The following ARHGEF28 variants were observed in gnomAD, a reference collection of about 807,000 sequenced individuals.
ARHGEF28 encodes Rho guanine nucleotide exchange factor 28.
A neutral mutation model predicts 206.6 loss-of-function variants in ARHGEF28; 152 were observed. That is an observed-to-expected ratio of 0.74 (90% CI 0.64 to 0.84). ARHGEF28 has a LOEUF of 0.84. Among genes scored for constraint, ARHGEF28 ranks in the 40% least tolerant of loss-of-function variants. ARHGEF28 has a pLI of 0.00. For synonymous variants in ARHGEF28, 763 were observed against 776.4 expected, an observed-to-expected ratio of 0.98 and a Z score of 0.29; for missense variants, 2,028 against 2,073.2, an observed-to-expected ratio of 0.98 and a Z score of 0.42.
At chr5:73,711,320 T>G (rs188333533) in intron 2 of ARHGEF28, among the ~76,000 whole-genome samples, 3 of 152,286 alleles carry the variant, frequency 2.0e-5, no homozygotes, top group Admixed American at 2.0e-4. Flanking sequence ...TATTTTCCTT[T>G]TCACATAAAT....
At chr5:73,658,860 C>T (rs1745398680) in intron 1 of ARHGEF28, among the ~76,000 whole-genome samples, 1 of 152,000 alleles carries the variant, frequency 6.6e-6, no homozygotes, top group South Asian at 2.1e-4. Flanking sequence ...CTGTGTTTTA[C>T]TAGGTGCTCT....
chr5:73,677,624 T>G (rs1350072317), intron 1 of ARHGEF28, among the ~76,000 whole-genome samples: 5 of 152,244 alleles, frequency 3.3e-5, no homozygotes, highest in Non-Finnish European at 7.3e-5. Context: ...TACTTTTTTT[T>G]AGAGTTAACA....
intron 1 of ARHGEF28, among the ~76,000 whole-genome samples, chr5:73,675,455 G>A (rs555594001): frequency 3.4e-4 from 52 of 152,102 alleles, no homozygotes; most frequent in African/African-American, 8.9e-4. Context: ...ATAAGCAGCC[G>A]GGTGTGGTGG....
At chr5:73,856,627 C>T (rs1759057553) in intron 14 of ARHGEF28, among the ~76,000 whole-genome samples, 1 of 151,986 alleles carries the variant, frequency 6.6e-6, no homozygotes, top group Non-Finnish European at 1.5e-5. Context: ...TACATAAGAA[C>T]AATCAAAGTC....
chr5:73,658,474 C>A (rs866307641), intron 1 of ARHGEF28, among the ~76,000 whole-genome samples: 2 of 152,046 alleles, frequency 1.3e-5, no homozygotes, highest in African/African-American at 4.8e-5. Flanking sequence ...GAATGGGATT[C>A]GGCCACAAGA....
At chr5:73,677,232 G>A (rs57666292) in intron 1 of ARHGEF28, among the ~76,000 whole-genome samples, 2,938 of 152,268 alleles carry the variant, frequency 0.019, 94 homozygotes, top group African/African-American at 0.068. Flanking sequence ...TCTGTAGATA[G>A]CATTGGCTTC....
intron 1 of ARHGEF28, among the ~76,000 whole-genome samples, chr5:73,657,172 C>CA (rs76970237): frequency 7.7e-3 from 729 of 94,244 alleles, no homozygotes; most frequent in Non-Finnish European, 9.0e-3. Context: ...GACTCCGTCC[C>CA]AAAAAAAAAA....
chr5:73,678,909 C>A (rs6863374), intron 1 of ARHGEF28, among the ~76,000 whole-genome samples: 1 of 152,124 alleles, frequency 6.6e-6, no homozygotes, highest in Non-Finnish European at 1.5e-5. Context: ...GGGACAGGGT[C>A]TGGCTCTGTT....
Position 73,812,057 on chromosome 5 carries a change from ATACTC to A in ARHGEF28, c.1024+16669_1024+16673del, listed in dbSNP as rs1351949921. ...CCACTTAGTTGCAATGTTTGTAACTATACTCTAGTTGTATTTTGTTTTAGTTGTAT... is the reference window on the plus strand; with the variant it reads ...CCACTTAGTTGCAATGTTTGTAACTATAGTTGTATTTTGTTTTAGTTGTAT... On this transcript the variant is annotated intron_variant, in intron 9 of 35. Coordinates refer to ENST00000513042, the MANE Select transcript of ARHGEF28 (RefSeq NM_001177693.2). Among the ~76,000 whole-genome samples, 3 of 151,912 alleles carry A rather than the reference ATACTC, an allele frequency of 2.0e-5. No homozygotes were observed. The East Asian group carries it at 5.8e-4, about 29-fold the overall frequency.
At chr5:73,637,680 C>T (rs886551892) in intron 1 of ARHGEF28, among the ~76,000 whole-genome samples, 1 of 152,108 alleles carries the variant, frequency 6.6e-6, no homozygotes, top group African/African-American at 2.4e-5. Flanking sequence ...ATTTTTTGAG[C>T]CTTTATTGAG....
At chr5:73,782,666 G>A (rs1216336274) in intron 7 of ARHGEF28, among the ~76,000 whole-genome samples, 1 of 152,154 alleles carries the variant, frequency 6.6e-6, no homozygotes, top group East Asian at 1.9e-4. Context: ...TGTTGACGGA[G>A]CCACTCTTTA....
intron 2 of ARHGEF28, among the ~76,000 whole-genome samples, chr5:73,718,809 T>C (rs746019995): frequency 1.3e-5 from 2 of 152,110 alleles, no homozygotes; most frequent in African/African-American, 4.8e-5. Context: ...ACTATCTTCA[T>C]CCTCCCTAGG....
chr5:73,787,969 G>C (rs189051883), intron 7 of ARHGEF28, among the ~76,000 whole-genome samples: 109 of 152,194 alleles, frequency 7.2e-4, no homozygotes, highest in Non-Finnish European at 1.3e-3. Flanking sequence ...AAGAATCATA[G>C]TTTGACTTGG....
intron 15 of ARHGEF28, 36 bp from the exon 16 acceptor site, chr5:73,858,051 T>C (rs1189713547): frequency 6.4e-7 from 1 of 1,566,120 alleles, no homozygotes; most frequent in Non-Finnish European, 8.6e-7. Context: ...TTTCTCATTT[T>C]TCCCCACTTT....
intron 31 of ARHGEF28, 122 bp from the exon 32 acceptor site, chr5:73,904,100 T>C: frequency 3.3e-6 from 3 of 905,996 alleles, no homozygotes; most frequent in Non-Finnish European, 5.3e-6. Flanking sequence ...TCAGTATAGA[T>C]AAGGTAATCA....
Position 73,892,363 on chromosome 5 carries a change from C to T in ARHGEF28, c.3566+133C>T, listed in dbSNP as rs147129407. 915 of 937,438 alleles carry T rather than the reference C, an allele frequency of 9.8e-4. 9 individuals are homozygous for T. In the East Asian group the frequency reaches 0.02, roughly 20 times the overall value. The allele number at this position is 937,438 out of a possible 1,614,324, so 58.1% of individuals were successfully genotyped here. A position where few individuals can be genotyped will look rare whatever the true frequency, so the allele number is the denominator to read the frequency against. ...GCCCCCTGCCCCCTGCACCTGCCTG[C>T]GATAGCCCCCCATCTGCAGCTTTCT... On this transcript the variant is annotated intron_variant, in intron 27 of 35. Transcript: ENST00000513042.
intron 1 of ARHGEF28, among the ~76,000 whole-genome samples, chr5:73,626,601 G>C (rs1389030290): frequency 1.3e-5 from 2 of 152,154 alleles, no homozygotes; most frequent in African/African-American, 4.8e-5. Flanking sequence ...ACTGAGAGCC[G>C]GGGGCTGGGC....
At chr5:73,939,591 C>G (rs1311784071) in intron 35 of ARHGEF28, among the ~76,000 whole-genome samples, 1 of 152,164 alleles carries the variant, frequency 6.6e-6, no homozygotes, top group Non-Finnish European at 1.5e-5. Flanking sequence ...CTCCTGTGGC[C>G]CTGGCTGCTC....
At chr5:73,845,824 C>T (rs1240063031) in intron 11 of ARHGEF28, among the ~76,000 whole-genome samples, 1 of 151,318 alleles carries the variant, frequency 6.6e-6, no homozygotes, top group Non-Finnish European at 1.5e-5. Context: ...GCAAAAAACA[C>T]AAAAATCACA....
Sources: allele counts gnomAD v4.1 joint callset (sites outside exome capture counted in the v4.1 genomes callset), GRCh38; gene constraint gnomAD v4.1.1; transcripts MANE v1.5; gene names NCBI Gene and HGNC (gene_info 2026-07-23, HGNC 2026-07-21).